Variants in SH3TC2 observed in about 807,000 individuals in gnomAD.
SH3TC2 encodes SH3 domain and tetratricopeptide repeat-containing protein 2.
A neutral mutation model predicts 124.5 loss-of-function variants in SH3TC2; 87 were observed. The ratio of observed to expected loss-of-function variants is 0.70; its 90% CI spans 0.59 to 0.84. The LOEUF (loss-of-function observed/expected upper bound fraction) is 0.84, where lower values mean the gene tolerates loss of function less well. Ranked by LOEUF, SH3TC2 falls within the 40% of genes least tolerant of loss-of-function variation. The pLI, the probability that SH3TC2 is intolerant of heterozygous loss-of-function variation, is 0.00. For synonymous variants in SH3TC2, 634 were observed against 628.5 expected, an observed-to-expected ratio of 1.01 and a Z score of -0.13; for missense variants, 1,536 against 1,566.4, an observed-to-expected ratio of 0.98 and a Z score of 0.33.
chr5:149,000,099 C>G lies in SH3TC2; in HGVS notation c.*4612G>C, dbSNP rs886738692. On this transcript the variant is annotated 3_prime_UTR_variant, in exon 17 of 17. Coordinates refer to ENST00000515425, the MANE Select transcript of SH3TC2 (RefSeq NM_024577.4). ...GCCCGTAACCCTGTCTGGGTAAAAT[C>G]CCTTCCCCGCAGTGCCTGTAACATC... is the stretch of plus-strand genomic sequence containing the variant. Among the ~76,000 whole-genome samples, 4 of 152,164 alleles carry G rather than the reference C, an allele frequency of 2.6e-5. No individual in the cohort carries two copies. The highest frequency in any genetic ancestry group is 5.9e-5 in the Non-Finnish European group (4 of 68,026).
At chr5:149,023,444 A>C (rs895693363) in intron 12 of SH3TC2, among the ~76,000 whole-genome samples, 11 of 152,152 alleles carry the variant, frequency 7.2e-5, no homozygotes, top group African/African-American at 2.7e-4. Context: ...TGTATCATAT[A>C]TAAACTTTAA....
Position 149,010,301 on chromosome 5 carries a change from C to G in SH3TC2, c.3296G>C (p.Arg1099Pro). 6.2e-7 allele frequency: 1 copy of G among 1,614,202 alleles called. No individual in the cohort carries two copies. The highest frequency in any genetic ancestry group is 8.5e-7 in the Non-Finnish European group (1 of 1,180,028). ...EAGDVFFNGT[R>P]HRHHAVEYYR... Reference sequence around the variant, plus strand: ...GTACTCCACTGCATGATGCCTGTGGCGGGTCCCATTGAAGAACACATCACC... The same window carrying G: ...GTACTCCACTGCATGATGCCTGTGGGGGGTCCCATTGAAGAACACATCACC... The change falls in exon 14 of 17, where the codon CGC (arginine) becomes CCC (proline). Residue 1099 changes from arginine to proline, a missense_variant. Around this residue, in one of 3 missense-constraint regions of SH3TC2, gnomAD observed 426 missense variants for 443.5 expected, o/e 0.96. Coordinates refer to ENST00000515425, the MANE Select transcript of SH3TC2 (RefSeq NM_024577.4).
Position 148,991,857 on chromosome 5 carries a change from T to C in SH3TC2, c.*12854A>G, listed in dbSNP as rs1010340871. On this transcript the variant is annotated 3_prime_UTR_variant, in exon 17 of 17. Transcript: ENST00000515425. ...AGATCATCACATGGGACTTTATCCA[T>C]GGAGGTGAGCCTCCTCTTGCACTGG... Among the ~76,000 whole-genome samples the C allele has an allele frequency of 1.6e-4, 24 of 152,202 alleles. No homozygotes were observed. Among genetic ancestry groups the C allele is most frequent in the Non-Finnish European group, 3.5e-4 (24 of 68,030 alleles).
At chr5:149,048,168 T>C in intron 2 of SH3TC2, 179 bp from the exon 3 acceptor site, 1 of 829,776 alleles carries the variant, frequency 1.2e-6, no homozygotes, top group Non-Finnish European at 1.9e-6. Flanking sequence ...GGTCCTCCCT[T>C]GAGGAAAAAC....
chr5:148,999,397 C>T lies in SH3TC2; in HGVS notation c.*5314G>A, dbSNP rs957039893. Among the ~76,000 whole-genome samples, 1 of 152,206 alleles carries T rather than the reference C, an allele frequency of 6.6e-6. No individual in the cohort carries two copies. The highest frequency in any genetic ancestry group is 2.4e-5 in the African/African-American group (1 of 41,452). ...ACAGCTAGTAAGAAACAGATTCTAA[C>T]CTAAGTATGCCCAACTCCAAAACAC... is the stretch of plus-strand genomic sequence containing the variant. On this transcript the variant is annotated 3_prime_UTR_variant, in exon 17 of 17. Transcript: ENST00000515425.
At chr5:149,007,190 T>C (rs1753705958) in intron 15 of SH3TC2, 113 bp from the exon 16 acceptor site, 2 of 957,174 alleles carry the variant, frequency 2.1e-6, no homozygotes, top group Admixed American at 1.9e-5. Flanking sequence ...GGGACTGTGC[T>C]GGGGCATAGG....
rs1343582139 is a variant in SH3TC2, at chr5:148,995,286, C to T, written c.*9425G>A. On this transcript the variant is annotated 3_prime_UTR_variant, in exon 17 of 17. Transcript: ENST00000515425. ...AGTGATTTTGAATCTCTGCAAACAT[C>T]TGAAATACTTTAAACCTTGATTCTA... is the stretch of plus-strand genomic sequence containing the variant. Among the ~76,000 whole-genome samples, 1 of 152,168 alleles carries T rather than the reference C, an allele frequency of 6.6e-6. No homozygotes were observed. The highest frequency in any genetic ancestry group is 1.5e-5 in the Non-Finnish European group (1 of 68,034).
chr5:149,021,872 C>T (rs1753976511), intron 12 of SH3TC2, among the ~76,000 whole-genome samples: 1 of 66,092 alleles, frequency 1.5e-5, no homozygotes, highest in Non-Finnish European at 2.5e-5. Flanking sequence ...ACCAATCCTT[C>T]ACAAACTCTT....
rs1753285227 is a variant in SH3TC2, at chr5:148,983,537, C to A, written c.*21174G>T. Among the ~76,000 whole-genome samples the A allele has an allele frequency of 1.3e-5, 2 of 152,166 alleles. No individual in the cohort carries two copies. Among genetic ancestry groups the A allele is most frequent in the Admixed American group, 1.3e-4 (2 of 15,280 alleles). On this transcript the variant is annotated 3_prime_UTR_variant, in exon 17 of 17. Transcript: ENST00000515425. ...AAATGCAGCTCCCTTTTTTACAGTT[C>A]TGCATATGTGGGAGCTGAATTGCAT... is the stretch of plus-strand genomic sequence containing the variant.
In SH3TC2 at chr5:149,010,315, G is replaced by GAAC; in HGVS notation, c.3279_3281dup (p.Val1093_Phe1094insLeu). 1 of 1,614,050 alleles carries GAAC rather than the reference G, an allele frequency of 6.2e-7. No individual in the cohort carries two copies. The highest frequency in any genetic ancestry group is 8.5e-7 in the Non-Finnish European group (1 of 1,180,032). On this transcript the variant is annotated inframe_insertion, in exon 14 of 17. Coordinates refer to ENST00000515425, the MANE Select transcript of SH3TC2 (RefSeq NM_024577.4). ...GATGCCTGTGGCGGGTCCCATTGAA[G>GAAC]AACACATCACCTGCTTCTTCATAAA...
Position 149,063,031 on chromosome 5 carries a change from C to A in SH3TC2, c.-9G>T, listed in dbSNP as rs1427369811. On this transcript the variant is annotated 5_prime_UTR_variant, in exon 1 of 17. The change abolishes an upstream ATG in the 5' untranslated region. Coordinates refer to ENST00000515425, the MANE Select transcript of SH3TC2 (RefSeq NM_024577.4). ...CAGAAGCAGCCACCCATGTGTGTAC[C>A]ATCCTACCCTGGCCGAGGCCCTTGG... 2 of 1,598,188 alleles carry A rather than the reference C, an allele frequency of 1.3e-6. No individual in the cohort carries two copies. The highest frequency in any genetic ancestry group is 1.7e-6 in the Non-Finnish European group (2 of 1,171,890).
At chr5:149,043,406 T>C (rs1754404255) in intron 4 of SH3TC2, among the ~76,000 whole-genome samples, 2 of 152,166 alleles carry the variant, frequency 1.3e-5, no homozygotes, top group Non-Finnish European at 2.9e-5. Context: ...AATAATTATA[T>C]ATAGTATTTT....
At chr5:149,048,208 C>A (rs987561041) in intron 2 of SH3TC2, among the ~76,000 whole-genome samples, 1 of 152,178 alleles carries the variant, frequency 6.6e-6, no homozygotes, top group South Asian at 2.1e-4. Flanking sequence ...GCTCTGGAAT[C>A]GCAGGAGTTG....
At position 149,047,898 on chromosome 5, in the gene SH3TC2, C is replaced by T; in HGVS notation, c.243G>A (p.Leu81=). 1.2e-6 allele frequency: 2 copies of T among 1,614,170 alleles called. No individual in the cohort carries two copies. The change falls in exon 3 of 17, where the codon CTG becomes CTA. Residue 81 remains leucine (L), a synonymous_variant. Transcript: ENST00000515425. ...TGCGCACCTCCTGGTCCTCATTCTCCAGTGCCCAGAGCCGCCTCCGAGCAG... is the reference window on the plus strand; with the variant it reads ...TGCGCACCTCCTGGTCCTCATTCTCTAGTGCCCAGAGCCGCCTCCGAGCAG... The part of the protein sequence containing the change: ...QEAARRRLWA[L]ENEDQEVRML...
chr5:149,010,110 T>G (rs1753758793), intron 14 of SH3TC2, among the ~76,000 whole-genome samples, 160 bp downstream of exon 14: 1 of 152,066 alleles, frequency 6.6e-6, no homozygotes, highest in South Asian at 2.1e-4. Context: ...GAGCTCCCAC[T>G]AGGTTGAAGA....
Position 149,014,129 on chromosome 5 carries a change from T to G in SH3TC2, c.3054-1395A>C, listed in dbSNP as rs184435760. On this transcript the variant is annotated intron_variant, in intron 12 of 16. Transcript: ENST00000515425. ...TTCTTCTGAGTAGCAACCTAGGACTTGTCCCATAACACTCATACTTCCCAA... is the reference window on the plus strand; with the variant it reads ...TTCTTCTGAGTAGCAACCTAGGACTGGTCCCATAACACTCATACTTCCCAA... Among the ~76,000 whole-genome samples, 26 of 152,298 alleles carry G rather than the reference T, an allele frequency of 1.7e-4. No individual in the cohort carries two copies. In the East Asian group the frequency reaches 3.1e-3, roughly 18 times the overall value.
At chr5:149,059,960 C>T (rs536536734) in intron 1 of SH3TC2, among the ~76,000 whole-genome samples, 19 of 152,144 alleles carry the variant, frequency 1.2e-4, no homozygotes, top group South Asian at 1.2e-3. Context: ...ATTCTAATAT[C>T]CTCTATTATC....
intron 3 of SH3TC2, chr5:149,045,237 T>C (rs1024996451): frequency 6.6e-6 from 1 of 152,384 alleles, no homozygotes; most frequent in African/African-American, 2.4e-5. Flanking sequence ...TAGAATCACA[T>C]TGCATAAATT....
At chr5:149,029,424 T>C (rs1029517934) in intron 9 of SH3TC2, among the ~76,000 whole-genome samples, 2 of 152,138 alleles carry the variant, frequency 1.3e-5, no homozygotes. Context: ...GATAATGATG[T>C]AGGTCTGGAG....
Sources: allele counts gnomAD v4.1 joint callset (sites outside exome capture counted in the v4.1 genomes callset), GRCh38; gene constraint gnomAD v4.1.1; regional missense constraint gnomAD v4.1.1; transcripts MANE v1.5; gene names NCBI Gene and HGNC (gene_info 2026-07-23, HGNC 2026-07-21).